Variants in BCL2L11 observed in about 807,000 individuals in gnomAD.
BCL2L11 encodes the protein BCL2 like 11.
A neutral mutation model predicts 20.6 loss-of-function variants in BCL2L11; 15 were observed. The ratio of observed to expected loss-of-function variants is 0.73; its 90% CI spans 0.49 to 1.12. BCL2L11 has a LOEUF of 1.12. Ranked by LOEUF, BCL2L11 falls within the 50% of genes most tolerant of loss-of-function variation. The pLI, the probability that BCL2L11 is intolerant of heterozygous loss-of-function variation, is 0.00. For synonymous variants in BCL2L11, 108 were observed against 92.8 expected, an observed-to-expected ratio of 1.16 and a Z score of -0.94; for missense variants, 292 against 260.9, an observed-to-expected ratio of 1.12 and a Z score of -0.82.
chr2:111,136,456 C>G (rs1353370639), intron 2 of BCL2L11, among the ~76,000 whole-genome samples: 1 of 152,180 alleles, frequency 6.6e-6, no homozygotes, highest in Non-Finnish European at 1.5e-5. Flanking sequence ...GGCTCCTCCA[C>G]CTTAGTGGAA....
intron 2 of BCL2L11, 85 bp from the exon 3 acceptor site, chr2:111,149,959 C>T: frequency 8.7e-7 from 1 of 1,147,404 alleles, no homozygotes; most frequent in Non-Finnish European, 1.2e-6. Flanking sequence ...GTGAGATGGG[C>T]TTGCCTCTAG....
intron 2 of BCL2L11, among the ~76,000 whole-genome samples, chr2:111,141,679 T>C (rs1490314954): frequency 6.7e-6 from 1 of 148,616 alleles, no homozygotes; most frequent in Non-Finnish European, 1.5e-5. Context: ...ATAATAATAA[T>C]AATAATCCCA....
At chr2:111,157,332 T>G (rs2077993989) in intron 3 of BCL2L11, among the ~76,000 whole-genome samples, 2 of 152,198 alleles carry the variant, frequency 1.3e-5, no homozygotes, top group Admixed American at 6.5e-5. Flanking sequence ...TCAAAAATAA[T>G]AAGCTTCTCA....
chr2:111,154,971 C>T (rs532815844), intron 3 of BCL2L11, among the ~76,000 whole-genome samples: 4 of 152,300 alleles, frequency 2.6e-5, no homozygotes, highest in East Asian at 1.9e-4. Flanking sequence ...GTGAAGGTCA[C>T]GGAGCTCTTA....
intron 2 of BCL2L11, chr2:111,142,172 C>A: frequency 1.4e-6 from 1 of 723,426 alleles, no homozygotes; most frequent in Non-Finnish European, 2.4e-6. Context: ...AGTCTTTCAG[C>A]ACAGAATTCT....
chr2:111,122,112 C>T (rs756230963), intron 1 of BCL2L11, among the ~76,000 whole-genome samples: 22 of 152,166 alleles, frequency 1.4e-4, no homozygotes, highest in African/African-American at 3.4e-4. Context: ...GGTGGCTCTT[C>T]GGCTTTGACT....
intron 2 of BCL2L11, among the ~76,000 whole-genome samples, chr2:111,125,341 T>C (rs1399718688): frequency 6.6e-6 from 1 of 152,214 alleles, no homozygotes; most frequent in Non-Finnish European, 1.5e-5. Flanking sequence ...TCTGTGTTGA[T>C]CGACTTGCTG....
chr2:111,138,126 A>G (rs1237527406), intron 2 of BCL2L11, among the ~76,000 whole-genome samples: 1 of 150,970 alleles, frequency 6.6e-6, no homozygotes, highest in Admixed American at 6.6e-5. Context: ...GTCCTGCCTC[A>G]GCCTTCTGAG....
chr2:111,128,839 A>C lies in BCL2L11; in HGVS notation c.394+4700A>C, dbSNP rs939189156. 2.8e-6 allele frequency: 4 copies of C among 1,437,998 alleles called. No individual in the cohort carries two copies. The African/African-American group carries it at 5.8e-5, about 21-fold the overall frequency. The allele number at this position is 1,437,998 out of a possible 1,614,324, so 89.1% of individuals were successfully genotyped here. A position where few individuals can be genotyped will look rare whatever the true frequency, so the allele number is the denominator to read the frequency against. ...TGGTGATTAAATAAAATGTATTTTA[A>C]TATTGACTTTCTCTGTTTCTTTCTA... On this transcript the variant is annotated intron_variant, in intron 2 of 3. Transcript: ENST00000393256.
At chr2:111,161,804 G>T (rs2078586800) in intron 3 of BCL2L11, among the ~76,000 whole-genome samples, 1 of 152,174 alleles carries the variant, frequency 6.6e-6, no homozygotes, top group Admixed American at 6.5e-5. Flanking sequence ...AATTGCTTCA[G>T]ACTCCCTCCT....
At chr2:111,122,872 GC>G (rs2071444901) in intron 1 of BCL2L11, 1 of 985,406 alleles carries the variant, frequency 1.0e-6, no homozygotes, top group African/African-American at 1.7e-5. Context: ...GCCGGACGCC[GC>G]GGGGCTTGGT....
At chr2:111,159,214 T>C (rs1309670320) in intron 3 of BCL2L11, among the ~76,000 whole-genome samples, 9 of 152,224 alleles carry the variant, frequency 5.9e-5, no homozygotes, top group African/African-American at 2.2e-4. Flanking sequence ...TTAACTTCTT[T>C]CCTGCTTCTG....
intron 1 of BCL2L11, chr2:111,123,403 CT>C (rs1461328414): frequency 4.0e-5 from 39 of 985,356 alleles, no homozygotes; most frequent in Non-Finnish European, 4.7e-5. Flanking sequence ...GAGTTTCTGA[CT>C]TACTCGAAGA....
At chr2:111,153,803 G>C (rs550322208) in intron 3 of BCL2L11, 2 of 1,552,162 alleles carry the variant, frequency 1.3e-6, no homozygotes, top group South Asian at 1.2e-5. Flanking sequence ...GGAAGTTGTC[G>C]TGTAGTTGTC....
In BCL2L11 at chr2:111,167,199, G is replaced by C. The variant is rs1344380304; in HGVS notation, c.*2968G>C. On this transcript the variant is annotated 3_prime_UTR_variant, in exon 4 of 4. Coordinates refer to ENST00000393256, the MANE Select transcript of BCL2L11 (RefSeq NM_138621.5). ...GAAGTTAACTCCTGAGAGTTGTCGG[G>C]GGTGACTGGAGAGCTCATTGCAGAC... 6.6e-6 allele frequency: 1 copy of C among 152,380 alleles called. No individual in the cohort carries two copies. The highest frequency in any genetic ancestry group is 1.5e-5 in the Non-Finnish European group (1 of 68,042). 9.4% of individuals were successfully genotyped at this position (152,380 alleles called of 1,614,324 possible).
intron 2 of BCL2L11, among the ~76,000 whole-genome samples, chr2:111,142,637 C>G (rs1421794304): frequency 6.6e-6 from 1 of 151,984 alleles, no homozygotes; most frequent in Admixed American, 6.6e-5. Flanking sequence ...TGTTTTTGCT[C>G]TTATTTTTTA....
chr2:111,153,149 G>A (rs1245695863), intron 3 of BCL2L11, among the ~76,000 whole-genome samples: 1 of 151,962 alleles, frequency 6.6e-6, no homozygotes, highest in Admixed American at 6.6e-5. Flanking sequence ...AGGCTGAGGC[G>A]GGTGGATCAC....
intron 3 of BCL2L11, among the ~76,000 whole-genome samples, chr2:111,162,579 G>C (rs1164649793): frequency 6.6e-6 from 1 of 152,208 alleles, no homozygotes; most frequent in Non-Finnish European, 1.5e-5. Flanking sequence ...GCCAGTGCTG[G>C]AATATGAAAC....
At chr2:111,140,803 A>G (rs1351375450) in intron 2 of BCL2L11, among the ~76,000 whole-genome samples, 1 of 152,250 alleles carries the variant, frequency 6.6e-6, no homozygotes, top group Non-Finnish European at 1.5e-5. Context: ...AAAAAGTTTG[A>G]TACATAGCAG....
Sources: gnomAD v4.1 joint callset for allele counts (sites outside exome capture counted in the v4.1 genomes callset) on GRCh38, gnomAD v4.1.1 for gene constraint, MANE v1.5 for transcripts, NCBI Gene and HGNC (gene_info 2026-07-23, HGNC 2026-07-21) for gene names.